Variants in PCDH15 observed in about 807,000 individuals in gnomAD.
PCDH15 encodes the protein protocadherin related 15.
A neutral mutation model predicts 178.5 loss-of-function variants in PCDH15; 129 were observed. That is an observed-to-expected ratio of 0.72 (90% confidence interval 0.63 to 0.84). The LOEUF (loss-of-function observed/expected upper bound fraction) is 0.84. Among genes scored for constraint, PCDH15 ranks in the 40% least tolerant of loss-of-function variants. PCDH15 has a pLI of 0.00. For synonymous variants in PCDH15, 800 were observed against 732.0 expected, an observed-to-expected ratio of 1.09 and a Z score of -1.50; for missense variants, 2,230 against 2,099.9, an observed-to-expected ratio of 1.06 and a Z score of -1.21.
chr10:55,570,900 T>A (rs1842396557), intron 2 of PCDH15, among the ~76,000 whole-genome samples: 2 of 152,096 alleles, frequency 1.3e-5, no homozygotes, highest in African/African-American at 2.4e-5. Context: ...AAGGCAATAA[T>A]CATTACTTTT....
chr10:53,999,425 T>A (rs914527131), intron 20 of PCDH15, among the ~76,000 whole-genome samples: 1 of 152,210 alleles, frequency 6.6e-6, no homozygotes, highest in Non-Finnish European at 1.5e-5. Context: ...ATTGTCTCCT[T>A]GTCTTTACTG....
intron 2 of PCDH15, among the ~76,000 whole-genome samples, chr10:55,620,323 T>C (rs1843566206): frequency 6.6e-6 from 1 of 152,020 alleles, no homozygotes; most frequent in African/African-American, 2.4e-5. Flanking sequence ...TTTTTTTGCA[T>C]GTGTGTTACA....
At chr10:54,627,458 G>A (rs1000229931) in intron 2 of PCDH15, among the ~76,000 whole-genome samples, 2 of 152,090 alleles carry the variant, frequency 1.3e-5, no homozygotes, top group Non-Finnish European at 2.9e-5. Context: ...TTTAAAAATG[G>A]AAGTTTGCCT....
chr10:54,066,741 T>C lies in PCDH15; in HGVS notation c.2220+16A>G. 1.2e-6 allele frequency: 2 copies of C among 1,611,100 alleles called. No individual in the cohort carries two copies. On this transcript the variant is annotated intron_variant, in intron 18 of 37. Coordinates refer to ENST00000644397, the MANE Select transcript of PCDH15 (RefSeq NM_001384140.1). Reference sequence around the variant, plus strand: ...TGAAAAACTACATATAAGATCTATATAAATATTCCACTTACTTTTACTTGA... The same window carrying C: ...TGAAAAACTACATATAAGATCTATACAAATATTCCACTTACTTTTACTTGA...
At position 54,853,318 on chromosome 10, in the gene PCDH15, T is replaced by TAC. The variant is rs1554806809; in HGVS notation, c.-29+44130_-29+44131dup. ...ATATATATATATATATATATATATA[T>TAC]ACATACACACACATATACATATATA... On this transcript the variant is annotated intron_variant, in intron 3 of 5. Transcript: ENST00000458638. 8.8e-3 allele frequency among the ~76,000 whole-genome samples: 898 copies of TAC among 102,014 alleles called. 7 individuals carry two copies. The highest frequency in any genetic ancestry group is 0.015 in the Admixed American group (120 of 7,838). 66.9% of individuals were successfully genotyped at this position (102,014 alleles called of 152,430 possible).
chr10:54,679,765 T>C (rs974525986), intron 1 of PCDH15, among the ~76,000 whole-genome samples: 4 of 152,154 alleles, frequency 2.6e-5, no homozygotes, highest in South Asian at 2.1e-4. Flanking sequence ...CCATTAGAAG[T>C]AAAATAATGC....
intron 25 of PCDH15, among the ~76,000 whole-genome samples, chr10:53,912,846 T>A (rs888836974): frequency 6.6e-6 from 1 of 152,098 alleles, no homozygotes; most frequent in Non-Finnish European, 1.5e-5. Flanking sequence ...GAATCAATAT[T>A]GTGAAAATGG....
intron 15 of PCDH15, among the ~76,000 whole-genome samples, chr10:54,091,764 T>C (rs4282901): frequency 0.031 from 4,672 of 152,318 alleles, 76 homozygotes; most frequent in East Asian, 0.042. Context: ...ACATTATCAA[T>C]GGTAGTTCCT....
chr10:54,808,453 C>T (rs1475700029), intron 3 of PCDH15, among the ~76,000 whole-genome samples: 2 of 152,246 alleles, frequency 1.3e-5, no homozygotes, highest in East Asian at 1.9e-4. Flanking sequence ...TTGAAATCAG[C>T]GAAGAGGTGT....
chr10:55,460,451 G>T (rs1839650708), intron 2 of PCDH15, among the ~76,000 whole-genome samples: 1 of 151,932 alleles, frequency 6.6e-6, no homozygotes, highest in East Asian at 1.9e-4. Flanking sequence ...GGGTTCTACT[G>T]ATAAGTCTAC....
intron 2 of PCDH15, among the ~76,000 whole-genome samples, chr10:54,540,528 C>T (rs960232567): frequency 3.9e-5 from 6 of 152,138 alleles, no homozygotes; most frequent in Admixed American, 1.3e-4. Context: ...AACCTACCAA[C>T]GAACAAAAGC....
chr10:54,734,735 C>A (rs546086890), intron 1 of PCDH15, among the ~76,000 whole-genome samples: 2 of 151,990 alleles, frequency 1.3e-5, no homozygotes, highest in Admixed American at 1.3e-4. Context: ...AAAGAACGAA[C>A]CAACTATTGA....
chr10:53,848,971 A>T (rs2132893434), intron 28 of PCDH15, among the ~76,000 whole-genome samples: 1 of 152,252 alleles, frequency 6.6e-6, no homozygotes, highest in South Asian at 2.1e-4. Flanking sequence ...ATATATTTTT[A>T]ATCTGGGAAG....
At chr10:55,135,297 C>A (rs7911896) in intron 2 of PCDH15, among the ~76,000 whole-genome samples, 23,867 of 151,910 alleles carry the variant, frequency 0.16, 2,883 homozygotes, top group African/African-American at 0.34. Flanking sequence ...TTTTATCAAG[C>A]CCCACCACTC....
intron 2 of PCDH15, among the ~76,000 whole-genome samples, chr10:55,392,617 C>T (rs1588981925): frequency 6.6e-6 from 1 of 151,866 alleles, no homozygotes; most frequent in Non-Finnish European, 1.5e-5. Flanking sequence ...AGAAATATTG[C>T]TATTTAATTT....
At position 54,932,936 on chromosome 10, in the gene PCDH15, C is replaced by T. The variant is rs540144955; in HGVS notation, c.-79-35436G>A. ...CCACTCACCCAGAGCAACTTTCATT[C>T]CTGCAAGGTTCATTTATGGTTAAGT... On this transcript the variant is annotated intron_variant, in intron 2 of 5. Coordinates refer to the PCDH15 transcript ENST00000458638. Among the ~76,000 whole-genome samples, 67 of 152,224 alleles carry T rather than the reference C, an allele frequency of 4.4e-4. 1 individual carries two copies. In the Middle Eastern group the frequency reaches 0.02, roughly 46 times the overall value.
intron 1 of PCDH15, among the ~76,000 whole-genome samples, chr10:54,730,740 C>G (rs540995223): frequency 6.6e-6 from 1 of 151,190 alleles, no homozygotes; most frequent in African/African-American, 2.4e-5. Flanking sequence ...CTATTTCTCA[C>G]CATATACAAA....
intron 1 of PCDH15, among the ~76,000 whole-genome samples, chr10:54,748,876 A>T (rs10763134): frequency 0.5 from 76,302 of 152,076 alleles, 19,714 homozygotes; most frequent in Middle Eastern, 0.67. Context: ...GACAGATAAG[A>T]CGCGTTGCTC....
At chr10:53,827,136 C>G (rs747673883) in intron 32 of PCDH15, among the ~76,000 whole-genome samples, 5 of 151,982 alleles carry the variant, frequency 3.3e-5, no homozygotes, top group Non-Finnish European at 7.4e-5. Flanking sequence ...TATACTCAAG[C>G]TATAAATGTG....
Sources: gnomAD v4.1 joint callset for allele counts (sites outside exome capture counted in the v4.1 genomes callset) on GRCh38, gnomAD v4.1.1 for gene constraint, MANE v1.5 for transcripts, NCBI Gene and HGNC (gene_info 2026-07-23, HGNC 2026-07-21) for gene names.